The following GTF2E1 variants were observed in gnomAD, a reference collection of about 807,000 sequenced individuals.
GTF2E1 encodes the protein TFIIE alpha subunit.
In GTF2E1, 14 loss-of-function variants were observed where a neutral mutation model predicts 34.9. That is an observed-to-expected ratio of 0.40 (90% confidence interval 0.27 to 0.63). The LOEUF (loss-of-function observed/expected upper bound fraction) is 0.63, where lower values mean the gene tolerates loss of function less well. GTF2E1 is among the 20% of genes least tolerant of loss of function. GTF2E1 has a pLI of 0.39. For synonymous variants in GTF2E1, 188 were observed against 192.9 expected (o/e 0.97, Z 0.21); for missense variants, 469 against 557.7 (o/e 0.84, Z 1.60).
chr3:120,761,752 A>G (rs1231835917), intron 2 of GTF2E1, among the ~76,000 whole-genome samples: 2 of 147,498 alleles, frequency 1.4e-5, no homozygotes, highest in Non-Finnish European at 3.0e-5. Flanking sequence ...CTTAATCCTG[A>G]GTTCTAATTT....
In GTF2E1 at chr3:120,750,619, C is replaced by A. The variant is rs375390678; in HGVS notation, c.67C>A (p.Arg23=). Residue 23 remains arginine, a synonymous_variant, in exon 2 of 5, where the codon CGG becomes AGG. Coordinates refer to ENST00000283875, the MANE Select transcript of GTF2E1 (RefSeq NM_005513.3). ...GAAGCGGTTAGCCAAGTATGTGATC[C>A]GGGGATTTTATGGCATTGAGCATGC... ...ALKRLAKYVI[R]GFYGIEHALA... The A allele has an allele frequency of 2.5e-6, 4 of 1,613,816 alleles. No homozygotes were observed. In the East Asian group the frequency reaches 8.9e-5, roughly 36 times the overall value.
At chr3:120,780,223 T>C (rs1709435143) in intron 4 of GTF2E1, among the ~76,000 whole-genome samples, 1 of 152,218 alleles carries the variant, frequency 6.6e-6, no homozygotes. Flanking sequence ...ATATCTGTTG[T>C]GGTAGAACCT....
intron 1 of GTF2E1, among the ~76,000 whole-genome samples, chr3:120,746,279 A>C (rs181916120): frequency 6.6e-6 from 1 of 152,166 alleles, no homozygotes; most frequent in African/African-American, 2.4e-5. Context: ...TCTCTCTTAA[A>C]AATTATCCTG....
At chr3:120,759,046 G>T (rs1487730489) in intron 2 of GTF2E1, among the ~76,000 whole-genome samples, 1 of 152,166 alleles carries the variant, frequency 6.6e-6, no homozygotes, top group African/African-American at 2.4e-5. Context: ...TAGTATAAAA[G>T]CATTCTTATT....
At chr3:120,751,702 AT>A (rs1709166034) in intron 2 of GTF2E1, among the ~76,000 whole-genome samples, 1 of 152,112 alleles carries the variant, frequency 6.6e-6, no homozygotes. Flanking sequence ...TTATATAGTT[AT>A]TTTATCTTGT....
chr3:120,765,144 C>A (rs969011247), intron 2 of GTF2E1, among the ~76,000 whole-genome samples: 1 of 151,822 alleles, frequency 6.6e-6, no homozygotes, highest in Non-Finnish European at 1.5e-5. Flanking sequence ...CACTGTCCCC[C>A]TCATCCCCAC....
intron 1 of GTF2E1, among the ~76,000 whole-genome samples, chr3:120,745,601 A>G (rs1188861479): frequency 6.6e-6 from 1 of 152,162 alleles, no homozygotes; most frequent in African/African-American, 2.4e-5. Context: ...CTGCCTTACA[A>G]CCAGGCTTGA....
chr3:120,757,883 T>C (rs1163591015), intron 2 of GTF2E1, among the ~76,000 whole-genome samples: 1 of 152,206 alleles, frequency 6.6e-6, no homozygotes, highest in Non-Finnish European at 1.5e-5. Flanking sequence ...AATATATGGC[T>C]GGGAGCGATA....
intron 2 of GTF2E1, among the ~76,000 whole-genome samples, chr3:120,756,057 G>T (rs1242486241): frequency 6.6e-6 from 1 of 152,204 alleles, no homozygotes; most frequent in African/African-American, 2.4e-5. Context: ...ATTGTGAACA[G>T]TGCTGCCACA....
At chr3:120,775,211 T>C (rs1488123503) in intron 3 of GTF2E1, among the ~76,000 whole-genome samples, 1 of 151,986 alleles carries the variant, frequency 6.6e-6, no homozygotes, top group Non-Finnish European at 1.5e-5. Context: ...AGTGAATGGC[T>C]TAGGAGGAAA....
At position 120,742,763 on chromosome 3, in the gene GTF2E1, G is replaced by T. The variant is rs954625282; in HGVS notation, c.-62G>T. ...GCCGGTAGTTGAAGCGCTGGGGGCA[G>T]CTGTAGTGGGAGTGTTCCAGGATTC... On this transcript the variant is annotated 5_prime_UTR_variant, in exon 1 of 5. Coordinates refer to ENST00000283875, the MANE Select transcript of GTF2E1 (RefSeq NM_005513.3). 5.5e-6 allele frequency: 3 copies of T among 543,948 alleles called. No individual in the cohort carries two copies. The East Asian group carries it at 9.8e-5, about 18-fold the overall frequency. The allele number at this position is 543,948 out of a possible 1,614,324, so 33.7% of individuals were successfully genotyped here.
chr3:120,770,689 A>G, intron 2 of GTF2E1, 39 bp from the exon 3 acceptor site: 1 of 1,450,736 alleles, frequency 6.9e-7, no homozygotes, highest in Non-Finnish European at 9.7e-7. Flanking sequence ...TATCTGCTAA[A>G]GTCTTCTCTC....
chr3:120,766,057 A>G (rs984380596), intron 2 of GTF2E1, among the ~76,000 whole-genome samples: 2 of 152,312 alleles, frequency 1.3e-5, no homozygotes, highest in Admixed American at 6.5e-5. Flanking sequence ...TAGTCTATGT[A>G]CACTACTTAG....
Position 120,781,160 on chromosome 3 carries a change from C to T in GTF2E1, c.1010C>T (p.Ala337Val). 2.5e-6 allele frequency: 4 copies of T among 1,614,126 alleles called. No individual in the cohort carries two copies. Among genetic ancestry groups the T allele is most frequent in the African/African-American group, 2.7e-5 (2 of 75,044 alleles). The stretch of plus-strand genomic sequence containing the variant: ...GAGAAAAAGACTTCCTCTGCCATGG[C>T]TGGTTCAGTGGGGGCAGCTGCTCCA... ...IHEKKTSSAM[A>V]GSVGAAAPVT... is the part of the protein sequence containing the mutation. Residue 337 changes from alanine to valine, a missense_variant, in exon 5 of 5, where the codon GCT (alanine) becomes GTT (valine). Coordinates refer to ENST00000283875, the MANE Select transcript of GTF2E1 (RefSeq NM_005513.3).
intron 1 of GTF2E1, among the ~76,000 whole-genome samples, chr3:120,743,416 A>G (rs1709075566): frequency 6.6e-6 from 1 of 152,222 alleles, no homozygotes; most frequent in Non-Finnish European, 1.5e-5. Flanking sequence ...GAGTGGAGGA[A>G]GTGAAGCAGG....
At chr3:120,765,493 A>G (rs1166483019) in intron 2 of GTF2E1, among the ~76,000 whole-genome samples, 2 of 152,200 alleles carry the variant, frequency 1.3e-5, no homozygotes, top group Non-Finnish European at 2.9e-5. Context: ...GCTAATGTAT[A>G]TACATGGGAA....
chr3:120,778,668 T>G (rs1354885752), intron 4 of GTF2E1, among the ~76,000 whole-genome samples: 1 of 152,208 alleles, frequency 6.6e-6, no homozygotes, highest in East Asian at 1.9e-4. Context: ...ATGCATGGAT[T>G]CACCATTGAT....
intron 2 of GTF2E1, among the ~76,000 whole-genome samples, chr3:120,757,776 T>C (rs1040439035): frequency 1.3e-5 from 2 of 152,262 alleles, no homozygotes; most frequent in Admixed American, 1.3e-4. Context: ...AGCCCAGGAA[T>C]GACTGTATAG....
chr3:120,779,244 T>C (rs1284864924), intron 4 of GTF2E1, among the ~76,000 whole-genome samples: 2 of 152,264 alleles, frequency 1.3e-5, no homozygotes, highest in East Asian at 3.8e-4. Context: ...TTCCCTAATT[T>C]AATACTTAAA....
Sources: gnomAD v4.1 joint callset for allele counts (sites outside exome capture counted in the v4.1 genomes callset) on GRCh38, gnomAD v4.1.1 for gene constraint, MANE v1.5 for transcripts, NCBI Gene and HGNC (gene_info 2026-07-23, HGNC 2026-07-21) for gene names.